The following TRMT11 variants were observed in gnomAD, a reference collection of about 807,000 sequenced individuals.
TRMT11 encodes tRNA (guanine(10)-N(2))-methyltransferase TRMT11.
In TRMT11, 53 loss-of-function variants were observed where a neutral mutation model predicts 62.8. That is an observed-to-expected ratio of 0.84 (90% CI 0.68 to 1.06). TRMT11 has a LOEUF of 1.06. Ranked by LOEUF, TRMT11 falls within the 50% of genes least tolerant of loss-of-function variation. The pLI, the probability that TRMT11 is intolerant of heterozygous loss-of-function variation, is 0.00. For synonymous variants in TRMT11, 188 were observed against 190.3 expected, an observed-to-expected ratio of 0.99 and a Z score of 0.10; for missense variants, 556 against 553.4, an observed-to-expected ratio of 1.00 and a Z score of -0.05.
At chr6:126,017,577 T>A (rs889038169) in intron 11 of TRMT11, among the ~76,000 whole-genome samples, 7 of 152,190 alleles carry the variant, frequency 4.6e-5, no homozygotes, top group Admixed American at 2.6e-4. Context: ...GTTTATTCTG[T>A]CCCCATTGTT....
chr6:125,995,971 C>T lies in TRMT11; in HGVS notation c.143C>T (p.Pro48Leu), dbSNP rs1434150013. 1 of 1,602,034 alleles carries T rather than the reference C, an allele frequency of 6.2e-7. No homozygotes were observed. The highest frequency in any genetic ancestry group is 8.6e-7 in the Non-Finnish European group (1 of 1,169,248). Reference sequence around the variant, plus strand: ...GCATATTGTTATTTCTTTTAGTCACCATTTTGGATTCTTAGCATTCCCTCT... The same window carrying T: ...GCATATTGTTATTTCTTTTAGTCACTATTTTGGATTCTTAGCATTCCCTCT... ...ASSQETYGKS[P>L]FWILSIPSED... The change falls in exon 3 of 13, where the codon CCA becomes CTA. Residue 48 changes from proline to leucine, a missense_variant. By Grantham distance (98) the Pro-to-Leu change is moderately conservative. Transcript: ENST00000334379.
At chr6:126,200,848 C>A (rs536509632) in intron 3 of TRMT11, among the ~76,000 whole-genome samples, 1 of 152,180 alleles carries the variant, frequency 6.6e-6, no homozygotes, top group African/African-American at 2.4e-5. Context: ...CCACCGCGCC[C>A]GGCCCGACAT....
At position 126,191,699 on chromosome 6, in the gene TRMT11, A is replaced by G. The variant is rs150841400; in HGVS notation, n.144-7100A>G. On this transcript the variant is annotated intron_variant and non_coding_transcript_variant, in intron 1 of 3. Coordinates refer to the TRMT11 transcript ENST00000444229. The stretch of plus-strand genomic sequence containing the variant: ...TTTCCCAGAACCATTTATTAAAGAA[A>G]CTGTATTTTCTACAATGTATGTTCT... Among the ~76,000 whole-genome samples the G allele has an allele frequency of 6.1e-3, 924 of 152,048 alleles. 4 individuals are homozygous for G. The highest frequency in any genetic ancestry group is 0.014 in the Middle Eastern group (4 of 294).
At chr6:126,070,846 G>A (rs1461082864) in intron 17 of TRMT11, among the ~76,000 whole-genome samples, 1 of 152,164 alleles carries the variant, frequency 6.6e-6, no homozygotes, top group East Asian at 1.9e-4. Flanking sequence ...GGAAACTGAG[G>A]TTTAGAGAGA....
intron 21 of TRMT11, among the ~76,000 whole-genome samples, chr6:126,129,097 A>G (rs1777751827): frequency 6.6e-6 from 1 of 152,062 alleles, no homozygotes; most frequent in Non-Finnish European, 1.5e-5. Flanking sequence ...TAGCTTTCTC[A>G]TTTATAAAAT....
At chr6:126,122,859 A>G (rs986801053) in intron 21 of TRMT11, among the ~76,000 whole-genome samples, 6 of 152,238 alleles carry the variant, frequency 3.9e-5, no homozygotes, top group Middle Eastern at 3.4e-3. Flanking sequence ...GCAAACCTCT[A>G]GGGGCCAGAG....
downstream of TRMT11, among the ~76,000 whole-genome samples, chr6:126,204,024 C>A (rs925188598): frequency 1.3e-5 from 2 of 151,486 alleles, no homozygotes; most frequent in African/African-American, 4.9e-5. Flanking sequence ...AACCAACTAA[C>A]CAGGCAAAAA....
At chr6:126,231,430 C>T in the TRMT11 span, among the ~76,000 whole-genome samples, 2 of 151,998 alleles carry the variant, frequency 1.3e-5, no homozygotes, top group African/African-American at 2.4e-5. Flanking sequence ...AAAGTTATGT[C>T]GTAAATGCAT....
At chr6:126,079,990 C>T (rs116297670) in intron 17 of TRMT11, among the ~76,000 whole-genome samples, 1,580 of 152,234 alleles carry the variant, frequency 0.01, 20 homozygotes, top group African/African-American at 0.036. Context: ...TTGGTGGTGG[C>T]TAACTACCAG....
chr6:126,056,468 C>G (rs1394009563), intron 17 of TRMT11, among the ~76,000 whole-genome samples: 1 of 152,194 alleles, frequency 6.6e-6, no homozygotes, highest in Non-Finnish European at 1.5e-5. Flanking sequence ...TCTGCCATCA[C>G]CTAGCCAGAA....
At chr6:126,109,906 T>G (rs1210097790) in intron 17 of TRMT11, among the ~76,000 whole-genome samples, 1 of 152,130 alleles carries the variant, frequency 6.6e-6, no homozygotes, top group African/African-American at 2.4e-5. Context: ...AATGGCAGAA[T>G]TATTGTACAA....
intron 21 of TRMT11, among the ~76,000 whole-genome samples, chr6:126,167,833 G>A (rs1368323230): frequency 6.6e-6 from 1 of 152,152 alleles, no homozygotes; most frequent in Admixed American, 6.5e-5. Context: ...TTCTGGGTAG[G>A]TTTCCTGATT....
intron 12 of TRMT11, among the ~76,000 whole-genome samples, chr6:126,030,473 C>T (rs1051164365): frequency 1.3e-5 from 2 of 152,176 alleles, no homozygotes; most frequent in African/African-American, 4.8e-5. Flanking sequence ...GAATGTATAT[C>T]ATAGCTTTAA....
At chr6:125,989,090 A>G (rs1004618325) in intron 1 of TRMT11, among the ~76,000 whole-genome samples, 34 of 151,146 alleles carry the variant, frequency 2.2e-4, no homozygotes, top group African/African-American at 7.8e-4. Flanking sequence ...CTAGATTTGC[A>G]AATGTTTTGA....
At chr6:126,151,905 CTCTTTCTTTCTT>C (rs66890632) in intron 21 of TRMT11, among the ~76,000 whole-genome samples, 10 of 80,432 alleles carry the variant, frequency 1.2e-4, no homozygotes, top group East Asian at 3.7e-4. Flanking sequence ...TCTTTCTTTT[CTCTTTCTTTCTT>C]TCTTTCTTTC....
chr6:126,113,271 C>A (rs1054322943), intron 18 of TRMT11, among the ~76,000 whole-genome samples: 4 of 151,930 alleles, frequency 2.6e-5, no homozygotes, highest in African/African-American at 9.7e-5. Context: ...TTAACAGGGC[C>A]CTCTTTTAAT....
intron 11 of TRMT11, among the ~76,000 whole-genome samples, chr6:126,020,717 C>T (rs368656747): frequency 2.0e-5 from 3 of 152,190 alleles, no homozygotes; most frequent in South Asian, 4.1e-4. Context: ...TAAAATTTTA[C>T]GGGCACTTCA....
At chr6:126,251,978 C>T in the TRMT11 span, among the ~76,000 whole-genome samples, 29 of 152,294 alleles carry the variant, frequency 1.9e-4, no homozygotes, top group African/African-American at 7.0e-4. Flanking sequence ...ATTAGGCTTT[C>T]GATAAACATT....
intron 1 of TRMT11, among the ~76,000 whole-genome samples, chr6:126,178,827 T>A (rs993805657): frequency 7.2e-5 from 11 of 152,126 alleles, no homozygotes; most frequent in Admixed American, 6.6e-5. Flanking sequence ...AGTTACATTA[T>A]CAGTGTAAAC....
Sources: gnomAD v4.1 joint callset for allele counts (sites outside exome capture counted in the v4.1 genomes callset) on GRCh38, gnomAD v4.1.1 for gene constraint, MANE v1.5 for transcripts, NCBI Gene and HGNC (gene_info 2026-07-23, HGNC 2026-07-21) for gene names.